The following GAPVD1 variants were observed in gnomAD, a reference collection of about 807,000 sequenced individuals.
The protein encoded by GAPVD1 is GTPase-activating protein and VPS9 domain-containing protein 1.
Under a neutral mutation model 155.5 loss-of-function variants are expected in GAPVD1, and 35 were observed. The observed-to-expected ratio is 0.23, with a 90% CI of 0.17 to 0.30. The LOEUF (loss-of-function observed/expected upper bound fraction) is 0.30, where lower values mean the gene tolerates loss of function less well. Ranked by LOEUF, GAPVD1 falls within the 10% of genes least tolerant of loss-of-function variation. The probability of loss-of-function intolerance (pLI) is 1.00; values close to 1 mark genes in which losing one functional copy is unlikely to be tolerated. For missense variants in GAPVD1, 1,429 were observed against 1,775.7 expected (o/e 0.80, Z 3.51); for synonymous variants, 636 against 619.7 (o/e 1.03, Z -0.39).
rs1428335076 is a variant in GAPVD1 at position 125,359,287 on chromosome 9, C to T, written c.3972-133C>T. 3 of 679,158 alleles carry T rather than the reference C, an allele frequency of 4.4e-6. No individual in the cohort carries two copies. The African/African-American group carries it at 5.3e-5, about 12-fold the overall frequency. 42.1% of individuals were successfully genotyped at this position (679,158 alleles called of 1,614,324 possible). On this transcript the variant is annotated intron_variant, in intron 25 of 27. Coordinates refer to ENST00000297933, the MANE Select transcript of GAPVD1 (RefSeq NM_001282680.3). ...ACTTATCTAAGAGGCTCAACTCTAACTGTAATCCATATCTAGCTGTAATCC... is the reference window on the plus strand; with the variant it reads ...ACTTATCTAAGAGGCTCAACTCTAATTGTAATCCATATCTAGCTGTAATCC...
Position 125,349,607 on chromosome 9 carries a change from A to G in GAPVD1, c.3299+88A>G. On this transcript the variant is annotated intron_variant, in intron 21 of 27. Coordinates refer to ENST00000297933, the MANE Select transcript of GAPVD1 (RefSeq NM_001282680.3). ...TCAAGTCAAGTGATGTTTTGAGTCAATAAATGTATAAAGCAGGGAGAGAAA... is the reference window on the plus strand; with the variant it reads ...TCAAGTCAAGTGATGTTTTGAGTCAGTAAATGTATAAAGCAGGGAGAGAAA... 3.6e-6 allele frequency: 4 copies of G among 1,107,126 alleles called. No individual in the cohort carries two copies. The South Asian group carries it at 5.5e-5, about 15-fold the overall frequency. The allele number at this position is 1,107,126 out of a possible 1,614,324, so 68.6% of individuals were successfully genotyped here.
chr9:125,294,334 C>T (rs1839477834), intron 2 of GAPVD1, among the ~76,000 whole-genome samples: 1 of 151,312 alleles, frequency 6.6e-6, no homozygotes, highest in African/African-American at 2.4e-5. Context: ...AGCCACTGCG[C>T]CCGGCCAAAA....
intron 15 of GAPVD1, among the ~76,000 whole-genome samples, chr9:125,336,290 C>CAAAAAAAAAA (rs34270139): frequency 7.7e-6 from 1 of 129,178 alleles, no homozygotes; most frequent in Non-Finnish European, 1.7e-5. Flanking sequence ...AGCTTGAGAC[C>CAAAAAAAAAA]AAAAAAAAAA....
chr9:125,330,008 C>CTT, intron 12 of GAPVD1, 70 bp from the exon 13 acceptor site: 1 of 1,333,270 alleles, frequency 7.5e-7, no homozygotes, highest in Non-Finnish European at 1.0e-6. Flanking sequence ...TAGTGTTTGG[C>CTT]TTTTCTCCAC....
chr9:125,311,233 A>G (rs2131210376), intron 8 of GAPVD1, among the ~76,000 whole-genome samples: 1 of 152,330 alleles, frequency 6.6e-6, no homozygotes, highest in East Asian at 1.9e-4. Flanking sequence ...CTGTTTCCAA[A>G]GCAGAAAGGA....
At chr9:125,293,312 G>A (rs1298537113) in intron 2 of GAPVD1, among the ~76,000 whole-genome samples, 4 of 152,044 alleles carry the variant, frequency 2.6e-5, no homozygotes, top group Non-Finnish European at 5.9e-5. Flanking sequence ...TACCTGTAGT[G>A]ACTTGTAATT....
chr9:125,350,408 A>C lies in GAPVD1; in HGVS notation c.3409+4A>C. On this transcript the variant is annotated splice_donor_region_variant and intron_variant, in intron 22 of 27. Transcript: ENST00000297933. ...CCAGACCACACAGACCCAGAAGGTA[A>C]ATTGCTGCAGGATCGTTTAATTTTT... The C allele has an allele frequency of 6.4e-7, 1 of 1,559,904 alleles. No homozygotes were observed. The highest frequency in any genetic ancestry group is 8.8e-7 in the Non-Finnish European group (1 of 1,130,950).
At chr9:125,338,150 C>T (rs527997144) in intron 17 of GAPVD1, among the ~76,000 whole-genome samples, 29 of 152,344 alleles carry the variant, frequency 1.9e-4, no homozygotes, top group Non-Finnish European at 3.5e-4. Flanking sequence ...GCTGGGATTA[C>T]AGGCATGAGC....
At chr9:125,325,954 A>G (rs574485452) in intron 11 of GAPVD1, among the ~76,000 whole-genome samples, 1 of 152,316 alleles carries the variant, frequency 6.6e-6, no homozygotes, top group East Asian at 1.9e-4. Flanking sequence ...TCACTCTATC[A>G]CATCCAGGAC....
chr9:125,306,059 C>T (rs183725098), intron 6 of GAPVD1, among the ~76,000 whole-genome samples: 5 of 152,312 alleles, frequency 3.3e-5, no homozygotes, highest in South Asian at 2.1e-4. Context: ...TTAAGCTGTA[C>T]ATTCAACCAA....
At chr9:125,263,865 C>G in intron 1 of GAPVD1, 1 of 1,357,072 alleles carries the variant, frequency 7.4e-7, no homozygotes, top group Non-Finnish European at 1.1e-6. Context: ...TGAAGGTAAT[C>G]CCGGAGATAC....
intron 9 of GAPVD1, among the ~76,000 whole-genome samples, chr9:125,316,890 C>T (rs550249124): frequency 6.6e-6 from 1 of 152,338 alleles, no homozygotes; most frequent in South Asian, 2.1e-4. Context: ...TCTCCACATT[C>T]TCTCCAGCAT....
intron 2 of GAPVD1, among the ~76,000 whole-genome samples, chr9:125,293,878 A>AAATATATT (rs1564312023): frequency 1.1e-4 from 2 of 18,988 alleles, no homozygotes; most frequent in African/African-American, 4.9e-4. Context: ...ATATATATAT[A>AAATATATT]TATATATATA....
chr9:125,328,333 C>T (rs2131692168), intron 12 of GAPVD1, among the ~76,000 whole-genome samples: 1 of 135,050 alleles, frequency 7.4e-6, no homozygotes, highest in East Asian at 2.1e-4. Flanking sequence ...TTTTCCTAGG[C>T]AGAGGACCCT....
intron 17 of GAPVD1, among the ~76,000 whole-genome samples, chr9:125,340,813 C>G (rs1847746431): frequency 6.6e-6 from 1 of 152,168 alleles, no homozygotes; most frequent in African/African-American, 2.4e-5. Context: ...ACCTACGTGG[C>G]AATAAGAGTT....
At chr9:125,312,338 ACT>A (rs758581732) in intron 8 of GAPVD1, 112 bp from the exon 9 acceptor site, 3 of 640,284 alleles carry the variant, frequency 4.7e-6, no homozygotes, top group Non-Finnish European at 7.7e-6. Flanking sequence ...ATTTTTTACC[ACT>A]CTTGTGCATG....
Position 125,332,710 on chromosome 9 carries a change from A to G in GAPVD1, c.2428+81A>G. On this transcript the variant is annotated intron_variant, in intron 15 of 27. Transcript: ENST00000297933. The stretch of plus-strand genomic sequence containing the variant: ...GGCACTGTGACACATTGCTGGTGAC[A>G]GCATCTGTTGGTATAGCACTTTGGG... 3 of 1,178,200 alleles carry G rather than the reference A, an allele frequency of 2.5e-6. No homozygotes were observed. The South Asian group carries it at 3.8e-5, about 15-fold the overall frequency. The allele number at this position is 1,178,200 out of a possible 1,614,324, so 73.0% of individuals were successfully genotyped here. A position where few individuals can be genotyped will look rare whatever the true frequency, so the allele number is the denominator to read the frequency against.
rs760199761 is a variant in GAPVD1, at chr9:125,326,610, C to CT, written c.2032+22dup. 2.8e-5 allele frequency: 44 copies of CT among 1,560,696 alleles called. 1 individual carries two copies. In the South Asian group the frequency reaches 4.5e-4, roughly 16 times the overall value. Reference sequence around the variant, plus strand: ...TGCAGGTAACTGCCATTTAATGTCTCTGAAATATCACGGTTTAGTTATTCA... The same window carrying CT: ...TGCAGGTAACTGCCATTTAATGTCTCTTGAAATATCACGGTTTAGTTATTCA... On this transcript the variant is annotated intron_variant, in intron 12 of 27. Transcript: ENST00000297933.
intron 2 of GAPVD1, among the ~76,000 whole-genome samples, chr9:125,285,191 A>G (rs1162676286): frequency 6.6e-6 from 1 of 152,216 alleles, no homozygotes; most frequent in Admixed American, 6.5e-5. Flanking sequence ...GATAATATAT[A>G]AACAAGTGAG....
Sources: allele counts gnomAD v4.1 joint callset (sites outside exome capture counted in the v4.1 genomes callset), GRCh38; gene constraint gnomAD v4.1.1; transcripts MANE v1.5; gene names NCBI Gene and HGNC (gene_info 2026-07-23, HGNC 2026-07-21).